MSRA: variants seen among roughly 807,000 people sequenced by gnomAD.
MSRA encodes mitochondrial peptide methionine sulfoxide reductase.
A neutral mutation model predicts 31.3 loss-of-function variants in MSRA; 54 were observed. The observed-to-expected ratio is 1.73, with a 90% CI of 1.39 to 2.17. MSRA has a LOEUF of 2.17. MSRA is among the 30% of genes most tolerant of loss of function. MSRA has a pLI of 0.00. For synonymous variants in MSRA, 169 were observed against 116.5 expected, an observed-to-expected ratio of 1.45 and a Z score of -2.90; for missense variants, 507 against 300.9, an observed-to-expected ratio of 1.69 and a Z score of -5.07.
intron 1 of MSRA, among the ~76,000 whole-genome samples, chr8:10,104,796 C>G (rs1474511265): frequency 6.6e-6 from 1 of 152,276 alleles, no homozygotes; most frequent in African/African-American, 2.4e-5. Flanking sequence ...ACTGGGTTTT[C>G]AGGTTGACTT....
At chr8:10,349,579 T>C (rs964216395) in intron 5 of MSRA, among the ~76,000 whole-genome samples, 2 of 152,216 alleles carry the variant, frequency 1.3e-5, no homozygotes, top group Non-Finnish European at 2.9e-5. Flanking sequence ...CAGGTCTCTG[T>C]TCCCCTCTGG....
chr8:10,078,995 C>G (rs553748617), intron 1 of MSRA, among the ~76,000 whole-genome samples: 14 of 152,322 alleles, frequency 9.2e-5, no homozygotes, highest in Non-Finnish European at 1.3e-4. Context: ...CGCAGGCGTG[C>G]TGGACATTCG....
At chr8:10,079,986 G>A (rs147269012) in intron 1 of MSRA, among the ~76,000 whole-genome samples, 195 of 152,200 alleles carry the variant, frequency 1.3e-3, no homozygotes, top group African/African-American at 3.4e-3. Context: ...CTTGTGTTAC[G>A]CTTAGCACTT....
At chr8:10,063,468 G>A (rs918341307) in intron 1 of MSRA, among the ~76,000 whole-genome samples, 1 of 152,174 alleles carries the variant, frequency 6.6e-6, no homozygotes, top group South Asian at 2.1e-4. Context: ...TCCACCCCGA[G>A]GCTGGCTCCT....
At chr8:10,399,970 G>C (rs955405528) in intron 5 of MSRA, among the ~76,000 whole-genome samples, 4 of 152,126 alleles carry the variant, frequency 2.6e-5, no homozygotes, top group African/African-American at 9.7e-5. Flanking sequence ...ATGGGAGTGA[G>C]GCCTTTCCTG....
chr8:10,394,194 G>A (rs1806945568), intron 5 of MSRA, among the ~76,000 whole-genome samples: 1 of 152,166 alleles, frequency 6.6e-6, no homozygotes, highest in Admixed American at 6.5e-5. Context: ...AAAACCAAAA[G>A]GGGCCATTCA....
chr8:10,132,008 C>T (rs1245330268), intron 1 of MSRA, among the ~76,000 whole-genome samples: 2 of 152,098 alleles, frequency 1.3e-5, no homozygotes, highest in African/African-American at 2.4e-5. Context: ...AGTTTTTGGT[C>T]TCCTAATTGA....
At chr8:10,262,346 G>A (rs1239935888) in intron 3 of MSRA, among the ~76,000 whole-genome samples, 2 of 152,208 alleles carry the variant, frequency 1.3e-5, no homozygotes, top group African/African-American at 4.8e-5. Context: ...CCAGCAGTGA[G>A]TGGGAGTTCC....
At chr8:10,168,603 A>G (rs146818955) in intron 1 of MSRA, among the ~76,000 whole-genome samples, 3 of 152,228 alleles carry the variant, frequency 2.0e-5, no homozygotes, top group Admixed American at 6.5e-5. Context: ...GTTGTAGTCT[A>G]TTTTACAGAT....
chr8:10,122,028 A>G (rs1263702945), intron 1 of MSRA, among the ~76,000 whole-genome samples: 1 of 152,086 alleles, frequency 6.6e-6, no homozygotes, highest in African/African-American at 2.4e-5. Context: ...GGCCACACGC[A>G]TGCTTGTGGA....
At chr8:10,405,635 C>T (rs538426481) in intron 5 of MSRA, among the ~76,000 whole-genome samples, 10 of 152,340 alleles carry the variant, frequency 6.6e-5, no homozygotes, top group Middle Eastern at 3.4e-3. Flanking sequence ...GATCAGAGTG[C>T]CAGAGTGAGT....
chr8:10,263,404 A>T (rs1798580136), intron 3 of MSRA, among the ~76,000 whole-genome samples: 1 of 152,198 alleles, frequency 6.6e-6, no homozygotes, highest in African/African-American at 2.4e-5. Flanking sequence ...TTCTACCATG[A>T]TAGGAAAAAA....
chr8:10,382,170 C>G (rs1372152889), intron 5 of MSRA, among the ~76,000 whole-genome samples: 1 of 152,182 alleles, frequency 6.6e-6, no homozygotes, highest in Non-Finnish European at 1.5e-5. Flanking sequence ...TGTGGTTGAG[C>G]TGCAGTTGTT....
intron 5 of MSRA, among the ~76,000 whole-genome samples, chr8:10,390,561 A>G (rs2129179246): frequency 6.6e-6 from 1 of 152,270 alleles, no homozygotes; most frequent in South Asian, 2.1e-4. Flanking sequence ...TTCTAGTGAA[A>G]TCGTCGTACA....
chr8:10,080,876 C>G (rs923779924), intron 1 of MSRA, among the ~76,000 whole-genome samples: 1 of 152,090 alleles, frequency 6.6e-6, no homozygotes, highest in Non-Finnish European at 1.5e-5. Context: ...TTGTTTACAG[C>G]TTTTCTTGCT....
At chr8:10,076,579 C>G (rs376418364) in intron 1 of MSRA, among the ~76,000 whole-genome samples, 1 of 152,172 alleles carries the variant, frequency 6.6e-6, no homozygotes, top group African/African-American at 2.4e-5. Flanking sequence ...TCGCTTCTTG[C>G]AGGCAGTGTT....
intron 1 of MSRA, among the ~76,000 whole-genome samples, chr8:10,196,466 G>A (rs1366099297): frequency 6.6e-6 from 1 of 151,868 alleles, no homozygotes; most frequent in Non-Finnish European, 1.5e-5. Context: ...GGGGAGGAAG[G>A]AAATAACTTT....
At chr8:10,083,476 C>T (rs1297464131) in intron 1 of MSRA, among the ~76,000 whole-genome samples, 1 of 152,114 alleles carries the variant, frequency 6.6e-6, no homozygotes. Context: ...ATTTGATATC[C>T]ACGGAAATCT....
At chr8:10,153,070 C>G (rs1803848122) in intron 1 of MSRA, among the ~76,000 whole-genome samples, 2 of 152,174 alleles carry the variant, frequency 1.3e-5, no homozygotes, top group Admixed American at 1.3e-4. Flanking sequence ...TGAAAAATTG[C>G]TGGAGATTGA....
Sources: allele counts gnomAD v4.1 joint callset (sites outside exome capture counted in the v4.1 genomes callset), GRCh38; gene constraint gnomAD v4.1.1; transcripts MANE v1.5; gene names NCBI Gene and HGNC (gene_info 2026-07-23, HGNC 2026-07-21).